Variants in SAMD4A observed in about 807,000 individuals in gnomAD.
SAMD4A encodes the protein protein Smaug homolog 1.
A neutral mutation model predicts 81.3 loss-of-function variants in SAMD4A; 33 were observed. The ratio of observed to expected loss-of-function variants is 0.41; its 90% confidence interval spans 0.31 to 0.54. The LOEUF (loss-of-function observed/expected upper bound fraction) is 0.54, where lower values mean the gene tolerates loss of function less well. Among genes scored for constraint, SAMD4A ranks in the 20% least tolerant of loss-of-function variants. The pLI, the probability that SAMD4A is intolerant of heterozygous loss-of-function variation, is 0.37. For synonymous variants in SAMD4A, 389 were observed against 382.1 expected, an observed-to-expected ratio of 1.02 and a Z score of -0.21; for missense variants, 854 against 951.1, an observed-to-expected ratio of 0.90 and a Z score of 1.34.
chr14:54,674,774 G>T (rs1040434802), intron 2 of SAMD4A, among the ~76,000 whole-genome samples: 1 of 152,114 alleles, frequency 6.6e-6, no homozygotes, highest in African/African-American at 2.4e-5. Flanking sequence ...TTGAGACAGG[G>T]TCTCACTCTG....
chr14:54,582,968 A>T (rs963229470), intron 2 of SAMD4A, among the ~76,000 whole-genome samples: 2 of 152,120 alleles, frequency 1.3e-5, no homozygotes, highest in African/African-American at 2.4e-5. Flanking sequence ...TTTTTGAGAC[A>T]GAGTCTCTCT....
chr14:54,597,834 C>T (rs547663919), intron 2 of SAMD4A, among the ~76,000 whole-genome samples: 7 of 151,942 alleles, frequency 4.6e-5, no homozygotes, highest in South Asian at 2.1e-4. Context: ...GCAAACTGCC[C>T]GCCTCAGTCT....
intron 2 of SAMD4A, among the ~76,000 whole-genome samples, chr14:54,677,242 G>A (rs1221890336): frequency 6.6e-6 from 1 of 152,186 alleles, no homozygotes; most frequent in Admixed American, 6.5e-5. Context: ...ACTTTGTAAT[G>A]TTTGGGCAAC....
chr14:54,642,689 A>T (rs561352956), intron 2 of SAMD4A, among the ~76,000 whole-genome samples: 1 of 152,232 alleles, frequency 6.6e-6, no homozygotes, highest in Admixed American at 6.5e-5. Context: ...TGAGTGGATG[A>T]TCCAGCTTCC....
chr14:54,747,439 A>T (rs1168702961), intron 4 of SAMD4A, among the ~76,000 whole-genome samples: 1 of 152,242 alleles, frequency 6.6e-6, no homozygotes, highest in African/African-American at 2.4e-5. Context: ...TGATTTCAGA[A>T]TAGTCCAGGC....
At chr14:54,738,386 CAAG>C (rs1201393560) in intron 4 of SAMD4A, among the ~76,000 whole-genome samples, 1 of 152,168 alleles carries the variant, frequency 6.6e-6, no homozygotes, top group African/African-American at 2.4e-5. Context: ...ATGAGGCTGA[CAAG>C]AAGCTGCTCC....
At chr14:54,725,662 TCTAACAG>T (rs1250298340) in intron 3 of SAMD4A, among the ~76,000 whole-genome samples, 1 of 152,274 alleles carries the variant, frequency 6.6e-6, no homozygotes, top group Non-Finnish European at 1.5e-5. Flanking sequence ...TTATTCTTAC[TCTAACAG>T]CTAACAACTA....
At chr14:54,760,068 C>T in intron 6 of SAMD4A, 93 bp from the exon 7 acceptor site, 3 of 1,313,562 alleles carry the variant, frequency 2.3e-6, no homozygotes, top group Non-Finnish European at 3.2e-6. Flanking sequence ...AGCCACGAAT[C>T]CTGTAAGAGC....
intron 2 of SAMD4A, among the ~76,000 whole-genome samples, chr14:54,672,757 G>A (rs911616): frequency 0.63 from 96,143 of 152,098 alleles, 31,960 homozygotes; most frequent in Non-Finnish European, 0.75. Context: ...ATAAGTCTAT[G>A]TATGTACTAA....
chr14:54,593,329 C>T (rs187617490), intron 2 of SAMD4A, among the ~76,000 whole-genome samples: 3 of 152,218 alleles, frequency 2.0e-5, no homozygotes, highest in Admixed American at 6.5e-5. Context: ...CTATTAGTTT[C>T]GTATTCTGGG....
intron 2 of SAMD4A, among the ~76,000 whole-genome samples, chr14:54,621,200 A>G (rs946852824): frequency 1.3e-5 from 2 of 152,214 alleles, no homozygotes; most frequent in Non-Finnish European, 2.9e-5. Context: ...TTCAAATAGC[A>G]ACTCTTGAAT....
intron 2 of SAMD4A, chr14:54,681,788 A>T (rs1228684437): frequency 1.7e-5 from 17 of 985,162 alleles, no homozygotes; most frequent in Non-Finnish European, 2.0e-5. Flanking sequence ...AATGAAAAAT[A>T]TGCAGGGAGA....
intron 2 of SAMD4A, among the ~76,000 whole-genome samples, chr14:54,613,178 AGGAAGAG>A (rs2034406499): frequency 6.6e-6 from 1 of 151,748 alleles, no homozygotes. Flanking sequence ...GGGAAAAGGA[AGGAAGAG>A]AAGGAAGGAA....
intron 2 of SAMD4A, among the ~76,000 whole-genome samples, chr14:54,701,689 C>T (rs1302698833): frequency 1.3e-5 from 2 of 152,222 alleles, no homozygotes; most frequent in African/African-American, 2.4e-5. Flanking sequence ...TTTGTTCATA[C>T]TCACTTTTCT....
At chr14:54,680,034 G>A (rs191356780) in intron 2 of SAMD4A, among the ~76,000 whole-genome samples, 3 of 152,274 alleles carry the variant, frequency 2.0e-5, no homozygotes, top group Non-Finnish European at 4.4e-5. Context: ...CAGTCCTACC[G>A]GGGCCACACT....
chr14:54,740,938 A>G (rs1244499558), intron 4 of SAMD4A, among the ~76,000 whole-genome samples: 3 of 152,220 alleles, frequency 2.0e-5, no homozygotes, highest in Non-Finnish European at 4.4e-5. Context: ...CAAGCTAAAG[A>G]AAAAATGAGA....
intron 2 of SAMD4A, among the ~76,000 whole-genome samples, chr14:54,590,399 G>A (rs1257303868): frequency 6.6e-6 from 1 of 152,176 alleles, no homozygotes; most frequent in Non-Finnish European, 1.5e-5. Flanking sequence ...GCTGAGGTGG[G>A]AGGATCGCCT....
chr14:54,671,286 A>G (rs2035875713), intron 2 of SAMD4A, among the ~76,000 whole-genome samples: 1 of 152,070 alleles, frequency 6.6e-6, no homozygotes, highest in African/African-American at 2.4e-5. Flanking sequence ...TGGGGTTTGA[A>G]CCTTGGCTTT....
intron 10 of SAMD4A, among the ~76,000 whole-genome samples, chr14:54,775,414 C>T (rs1160667244): frequency 6.6e-6 from 1 of 152,202 alleles, no homozygotes. Flanking sequence ...TTCTTCTTTG[C>T]CCCATGCTTG....
Sources: gnomAD v4.1 joint callset for allele counts (sites outside exome capture counted in the v4.1 genomes callset) on GRCh38, gnomAD v4.1.1 for gene constraint, MANE v1.5 for transcripts, NCBI Gene and HGNC (gene_info 2026-07-23, HGNC 2026-07-21) for gene names.